NRXN1: variants seen among roughly 807,000 people sequenced by gnomAD.
NRXN1 encodes neurexin 1, also known as neurexin-1.
In NRXN1, 39 loss-of-function variants were observed where a neutral mutation model predicts 150.9. That is an observed-to-expected ratio of 0.26 (90% CI 0.20 to 0.34). The LOEUF is 0.34. Ranked by LOEUF, NRXN1 falls within the 10% of genes least tolerant of loss-of-function variation. The pLI, the probability that NRXN1 is intolerant of heterozygous loss-of-function variation, is 1.00. For missense variants in NRXN1, 1,815 were observed against 1,949.9 expected (o/e 0.93, Z 1.30); for synonymous variants, 924 against 757.0 (o/e 1.22, Z -3.62).
chr2:50,757,674 C>G (rs1701311076), intron 5 of NRXN1, among the ~76,000 whole-genome samples: 1 of 151,660 alleles, frequency 6.6e-6, no homozygotes, highest in African/African-American at 2.4e-5. Context: ...ACAACTTTAT[C>G]AATTATCTTA....
intron 5 of NRXN1, among the ~76,000 whole-genome samples, chr2:50,722,231 A>T (rs1417955722): frequency 2.0e-5 from 3 of 152,196 alleles, no homozygotes; most frequent in East Asian, 1.9e-4. Flanking sequence ...CAAAATAATT[A>T]AAAAATATGG....
At chr2:50,053,068 T>C (rs1692977164) in intron 21 of NRXN1, among the ~76,000 whole-genome samples, 1 of 152,152 alleles carries the variant, frequency 6.6e-6, no homozygotes, top group Non-Finnish European at 1.5e-5. Context: ...CAAAATCTTT[T>C]GTAAAAGTCC....
intron 5 of NRXN1, among the ~76,000 whole-genome samples, chr2:50,657,555 C>T (rs1292097702): frequency 6.6e-6 from 1 of 151,886 alleles, no homozygotes. Flanking sequence ...TAAGCAGTTC[C>T]GTAAAGAGCG....
intron 5 of NRXN1, chr2:50,917,396 T>C (rs555139305): frequency 8.6e-5 from 13 of 151,766 alleles, no homozygotes; most frequent in Non-Finnish European, 1.6e-4. Context: ...ATTAGGATTT[T>C]AGTAACTGGA....
In NRXN1 at chr2:50,511,470, A is replaced by C. The variant is rs2092449903; in HGVS notation, c.2375-4853T>G. 2.0e-5 allele frequency among the ~76,000 whole-genome samples: 3 copies of C among 152,210 alleles called. No homozygotes were observed. The South Asian group carries it at 6.2e-4, about 32-fold the overall frequency. ...TTTAATAAGTCTGTCAGTGCTTGTC[A>C]ACAGAGTTTGACCTAATCTATGGTA... On this transcript the variant is annotated intron_variant, in intron 12 of 22. Transcript: ENST00000401669.
At chr2:50,384,646 C>G (rs933301363) in intron 17 of NRXN1, among the ~76,000 whole-genome samples, 1 of 152,072 alleles carries the variant, frequency 6.6e-6, no homozygotes. Flanking sequence ...TGCACAAATA[C>G]CCAACTAATC....
At chr2:50,404,769 G>T (rs1488294871) in intron 17 of NRXN1, among the ~76,000 whole-genome samples, 1 of 152,070 alleles carries the variant, frequency 6.6e-6, no homozygotes, top group African/African-American at 2.4e-5. Flanking sequence ...CAGGAAAAAG[G>T]CCTGGAGGGG....
intron 8 of NRXN1, among the ~76,000 whole-genome samples, chr2:50,555,000 T>G (rs1668025410): frequency 6.6e-6 from 1 of 152,172 alleles, no homozygotes; most frequent in Admixed American, 6.5e-5. Context: ...TTAGAAAAAT[T>G]TATTTAGGAT....
intron 21 of NRXN1, among the ~76,000 whole-genome samples, chr2:49,991,712 A>G (rs1433139703): frequency 6.6e-6 from 1 of 152,188 alleles, no homozygotes; most frequent in Non-Finnish European, 1.5e-5. Context: ...AAATCCTGGC[A>G]AGTTATTTTG....
At chr2:50,102,072 C>G (rs768311126) in intron 18 of NRXN1, among the ~76,000 whole-genome samples, 2 of 151,970 alleles carry the variant, frequency 1.3e-5, no homozygotes, top group Non-Finnish European at 2.9e-5. Context: ...ATCAGCAAAA[C>G]TCTGTTATCC....
At chr2:50,110,345 A>G (rs1448415978) in intron 18 of NRXN1, among the ~76,000 whole-genome samples, 1 of 151,936 alleles carries the variant, frequency 6.6e-6, no homozygotes, top group African/African-American at 2.4e-5. Flanking sequence ...AAAAAAAAAT[A>G]GCCGGGTGTC....
chr2:50,389,057 T>C (rs980788769), intron 17 of NRXN1, among the ~76,000 whole-genome samples: 3 of 151,798 alleles, frequency 2.0e-5, no homozygotes, highest in African/African-American at 7.3e-5. Context: ...AGTCCCAGCT[T>C]CTTGGGAGGC....
intron 17 of NRXN1, among the ~76,000 whole-genome samples, chr2:50,254,534 A>G (rs1325919699): frequency 6.6e-6 from 1 of 151,698 alleles, no homozygotes; most frequent in African/African-American, 2.4e-5. Flanking sequence ...TCTTCCTAGC[A>G]TTTTTATATG....
intron 5 of NRXN1, among the ~76,000 whole-genome samples, chr2:50,809,350 C>T (rs1240675877): frequency 6.6e-6 from 1 of 152,030 alleles, no homozygotes; most frequent in Non-Finnish European, 1.5e-5. Context: ...TGTCCCAAAT[C>T]CTCTCGCTAA....
At chr2:50,459,380 TG>T (rs2087924936) in intron 17 of NRXN1, among the ~76,000 whole-genome samples, 1 of 152,154 alleles carries the variant, frequency 6.6e-6, no homozygotes, top group Non-Finnish European at 1.5e-5. Context: ...TTGTGTCACA[TG>T]GGTTTGTTGT....
intron 5 of NRXN1, among the ~76,000 whole-genome samples, chr2:50,662,280 T>G (rs1180270780): frequency 6.6e-6 from 1 of 151,976 alleles, no homozygotes; most frequent in East Asian, 1.9e-4. Flanking sequence ...GCCACCTACA[T>G]GGTATGTTTT....
At chr2:49,981,831 ATGCACT>A in intron 21 of NRXN1, among the ~76,000 whole-genome samples, 1 of 152,264 alleles carries the variant, frequency 6.6e-6, no homozygotes, top group East Asian at 1.9e-4. Context: ...CCAGCCTCAG[ATGCACT>A]TATTTCATGA....
intron 17 of NRXN1, among the ~76,000 whole-genome samples, chr2:50,337,546 A>C (rs2077276205): frequency 6.6e-6 from 1 of 152,176 alleles, no homozygotes; most frequent in Admixed American, 6.5e-5. Context: ...GTAAGGATTA[A>C]ATGAATCAAT....
chr2:50,296,518 CTAT>C (rs70946899), intron 17 of NRXN1, among the ~76,000 whole-genome samples: 15 of 148,042 alleles, frequency 1.0e-4, no homozygotes, highest in African/African-American at 3.5e-4. Context: ...TGCTTAGCTT[CTAT>C]TATTATTATT....
Sources: gnomAD v4.1 joint callset for allele counts (sites outside exome capture counted in the v4.1 genomes callset) on GRCh38, gnomAD v4.1.1 for gene constraint, MANE v1.5 for transcripts, NCBI Gene and HGNC (gene_info 2026-07-23, HGNC 2026-07-21) for gene names.